The following DMXL1 variants were observed in gnomAD, a reference collection of about 807,000 sequenced individuals.
The protein encoded by DMXL1 is Dmx like 1.
In DMXL1, 99 loss-of-function variants were observed where a neutral mutation model predicts 319.2. That is an observed-to-expected ratio of 0.31 (90% CI 0.26 to 0.37). The LOEUF is 0.37. DMXL1 is among the 10% of genes least tolerant of loss of function. DMXL1 has a pLI of 1.00. For missense variants in DMXL1, 3,745 were observed against 3,595.6 expected (o/e 1.04, Z -1.06); for synonymous variants, 1,385 against 1,235.2 (o/e 1.12, Z -2.54).
chr5:119,139,915 C>A (rs563582160), intron 13 of DMXL1, among the ~76,000 whole-genome samples: 2 of 152,098 alleles, frequency 1.3e-5, no homozygotes, highest in South Asian at 4.1e-4. Context: ...AAAATCATAC[C>A]AAACACACTG....
intron 34 of DMXL1, among the ~76,000 whole-genome samples, chr5:119,215,126 G>A (rs531765399): frequency 1.3e-5 from 2 of 152,286 alleles, no homozygotes; most frequent in South Asian, 4.1e-4. Flanking sequence ...TGATCCTCAA[G>A]TCAGCCAGAA....
intron 22 of DMXL1, among the ~76,000 whole-genome samples, chr5:119,167,010 T>C (rs1773563739): frequency 6.6e-6 from 1 of 152,166 alleles, no homozygotes; most frequent in South Asian, 2.1e-4. Flanking sequence ...TTGGTAGAGA[T>C]AGGTAATTGA....
intron 30 of DMXL1, among the ~76,000 whole-genome samples, chr5:119,195,446 T>C (rs1396429473): frequency 6.6e-6 from 1 of 152,214 alleles, no homozygotes; most frequent in Admixed American, 6.5e-5. Flanking sequence ...TGCTGCAACA[T>C]GGATATAATG....
intron 33 of DMXL1, among the ~76,000 whole-genome samples, chr5:119,205,633 A>G (rs1781607906): frequency 6.6e-6 from 1 of 152,050 alleles, no homozygotes; most frequent in Non-Finnish European, 1.5e-5. Flanking sequence ...GTAGTTATTA[A>G]AAGTTTGTTG....
At chr5:119,105,567 G>A (rs912465063) in intron 4 of DMXL1, among the ~76,000 whole-genome samples, 1 of 152,110 alleles carries the variant, frequency 6.6e-6, no homozygotes, top group Admixed American at 6.6e-5. Context: ...TTAGCAATGA[G>A]AGTTGGGTAG....
intron 43 of DMXL1, among the ~76,000 whole-genome samples, chr5:119,246,398 C>T (rs1017394786): frequency 6.6e-6 from 1 of 152,096 alleles, no homozygotes; most frequent in Non-Finnish European, 1.5e-5. Context: ...TTGTAAGTTT[C>T]TGTAGCATTG....
intron 1 of DMXL1, among the ~76,000 whole-genome samples, chr5:119,077,998 G>A (rs979910339): frequency 6.6e-6 from 1 of 151,378 alleles, no homozygotes; most frequent in Non-Finnish European, 1.5e-5. Flanking sequence ...GCCTCCCAAA[G>A]TGCTGGGATT....
Position 119,240,414 on chromosome 5 carries a change from TCCA to T in DMXL1, c.8652-4_8652-2del. The T allele has an allele frequency of 6.3e-7, 1 of 1,589,728 alleles. No homozygotes were observed. ...CTCAGAAGTAATCTTTTTTTTTTTT[TCCA>T]GAAACGTATGTTTGTGGGATACTCT... On this transcript the variant is annotated splice_acceptor_variant and splice_polypyrimidine_tract_variant and intron_variant, in intron 41 of 43. Coordinates refer to ENST00000539542, the MANE Select transcript of DMXL1 (RefSeq NM_001290321.3). LOFTEE classifies it high-confidence loss of function.
intron 23 of DMXL1, among the ~76,000 whole-genome samples, chr5:119,169,072 T>C (rs1774027846): frequency 6.6e-6 from 1 of 151,964 alleles, no homozygotes. Flanking sequence ...TAGCTAATTT[T>C]TTTGTATTTT....
At position 119,203,360 on chromosome 5, in the gene DMXL1, A is replaced by T; in HGVS notation, c.7787A>T (p.Gln2596Leu). Residue 2596 changes from glutamine (Q) to leucine (L), a missense_variant, in exon 33 of 44, where the codon CAG (glutamine) becomes CTG (leucine). Gln to Leu is a moderately radical substitution (Grantham distance 113, BLOSUM62 -2). Transcript: ENST00000539542. ...GCACTGTCTGTGAAGAGGCTTTGGC[A>T]GTATTTGGTGAAGCAGGAAGAAATT... ...HLALSVKRLW[Q>L]YLVKQEEIQE... 1 of 1,607,326 alleles carries T rather than the reference A, an allele frequency of 6.2e-7. No individual in the cohort carries two copies. Among genetic ancestry groups the T allele is most frequent in the Non-Finnish European group, 8.5e-7 (1 of 1,177,266 alleles).
At chr5:119,196,510 C>CTT in intron 31 of DMXL1, 54 bp downstream of exon 31, 11 of 911,118 alleles carry the variant, frequency 1.2e-5, no homozygotes, top group African/African-American at 3.6e-5. Flanking sequence ...ACTTACTACT[C>CTT]TGTTGTTTTT....
Position 119,116,260 on chromosome 5 carries a change from T to A in DMXL1, c.667T>A (p.Phe223Ile), listed in dbSNP as rs756448157. ...AAAACAATCCCAAGGAGAAATTGAC[T>A]TTTCTTTTGTGTATCTGGCCCATCC... ...SEKQSQGEID[F>I]SFVYLAHPRA... The change falls in exon 7 of 44, where the codon TTT (phenylalanine) becomes ATT (isoleucine). Residue 223 changes from phenylalanine to isoleucine, a missense_variant. Transcript: ENST00000539542. 6.2e-7 allele frequency: 1 copy of A among 1,614,148 alleles called. No individual in the cohort carries two copies. The highest frequency in any genetic ancestry group is 1.7e-5 in the Admixed American group (1 of 60,018).
At chr5:119,210,678 T>G (rs548629630) in intron 34 of DMXL1, among the ~76,000 whole-genome samples, 1 of 152,100 alleles carries the variant, frequency 6.6e-6, no homozygotes, top group East Asian at 1.9e-4. Flanking sequence ...CACTATAACC[T>G]TATAATAAAT....
chr5:119,151,842 G>C (rs1346778309), intron 18 of DMXL1, 87 bp from the exon 19 acceptor site: 2 of 752,368 alleles, frequency 2.7e-6, no homozygotes, highest in Middle Eastern at 2.4e-4. Context: ...TTCTTGGTCA[G>C]GTTAAGAATG....
At chr5:119,158,900 G>A (rs1270101594) in intron 19 of DMXL1, among the ~76,000 whole-genome samples, 1 of 151,872 alleles carries the variant, frequency 6.6e-6, no homozygotes, top group East Asian at 1.9e-4. Flanking sequence ...TTTTGTGGGG[G>A]GTTTTACATT....
At chr5:119,112,646 G>A (rs1759899344) in intron 5 of DMXL1, among the ~76,000 whole-genome samples, 1 of 152,054 alleles carries the variant, frequency 6.6e-6, no homozygotes, top group Non-Finnish European at 1.5e-5. Flanking sequence ...ACAGAATTTT[G>A]CATAAATAAT....
At chr5:119,108,399 ATTTGG>A (rs893639197) in intron 4 of DMXL1, among the ~76,000 whole-genome samples, 43 of 151,734 alleles carry the variant, frequency 2.8e-4, no homozygotes, top group African/African-American at 1.0e-3. Context: ...CTCTGTATTT[ATTTGG>A]TGTCAAATCT....
intron 40 of DMXL1, among the ~76,000 whole-genome samples, chr5:119,238,042 C>T (rs901480156): frequency 6.6e-6 from 1 of 151,996 alleles, no homozygotes; most frequent in Non-Finnish European, 1.5e-5. Context: ...TAAAAGCAAG[C>T]AAGCATGGGA....
At chr5:119,142,001 AC>A (rs1767481794) in intron 13 of DMXL1, among the ~76,000 whole-genome samples, 1 of 152,206 alleles carries the variant, frequency 6.6e-6, no homozygotes, top group Admixed American at 6.5e-5. Context: ...CCTGACAAAA[AC>A]AAGCAATGGG....
Sources: gnomAD v4.1 joint callset for allele counts (sites outside exome capture counted in the v4.1 genomes callset) on GRCh38, gnomAD v4.1.1 for gene constraint, MANE v1.5 for transcripts, NCBI Gene and HGNC (gene_info 2026-07-23, HGNC 2026-07-21) for gene names.